The following SUCO variants were observed in gnomAD, a reference collection of about 807,000 sequenced individuals.
SUCO encodes SUN domain-containing ossification factor.
SUCO carries 57 observed loss-of-function variants against 148.1 expected under a neutral mutation model. The observed-to-expected ratio is 0.38, with a 90% CI of 0.31 to 0.48. SUCO has a LOEUF of 0.48. SUCO is among the 20% of genes least tolerant of loss of function. The probability of loss-of-function intolerance (pLI) is 0.96; values close to 1 mark genes in which losing one functional copy is unlikely to be tolerated. For missense variants in SUCO, 1,331 were observed against 1,468.2 expected (o/e 0.91, Z 1.53); for synonymous variants, 470 against 502.7 (o/e 0.93, Z 0.87).
chr1:172,557,417 G>A lies in SUCO; in HGVS notation c.581G>A (p.Ser194Asn), dbSNP rs907342245. ...EQPSFVSPPD[S>N]LVGQHIENVS... Reference sequence around the variant, plus strand: ...CCTTCCTTTGTCAGTCCACCTGACAGGTGGGTAGGAGCAGTTGTTTGTCCT... The same window carrying A: ...CCTTCCTTTGTCAGTCCACCTGACAAGTGGGTAGGAGCAGTTGTTTGTCCT... Residue 194 changes from serine to asparagine, a missense_variant and splice_region_variant, in exon 5 of 24, where the codon AGC becomes AAC. By Grantham distance (46) the Ser-to-Asn change is conservative. This residue lies in a region of SUCO where 992 missense variants were observed against 1,093.5 expected (regional missense o/e 0.91). Transcript: ENST00000263688. 5.0e-6 allele frequency: 8 copies of A among 1,613,928 alleles called. No homozygotes were observed. The highest frequency in any genetic ancestry group is 6.8e-6 in the Non-Finnish European group (8 of 1,179,848).
At position 172,579,252 on chromosome 1, in the gene SUCO, C is replaced by G. The variant is rs1389572718; in HGVS notation, c.1483C>G (p.Leu495Val). The change falls in exon 15 of 24, where the codon CTT (leucine) becomes GTT (valine). Residue 495 changes from leucine to valine, a missense_variant. Physicochemically the swap from Leu to Val is conservative, Grantham distance 32 (BLOSUM62 1). This residue lies in a region of SUCO where 992 missense variants were observed against 1,093.5 expected (regional missense o/e 0.91). Coordinates refer to ENST00000263688, the MANE Select transcript of SUCO (RefSeq NM_014283.5). ...TGEDKSSKNL[L>V]GSATNAILNM... is the part of the protein sequence containing the mutation. ...AGAGGATAAATCCTCAAAAAATCTT[C>G]TTGGTTCTGCTACAAGTGAGTATTT... 2.5e-5 allele frequency: 40 copies of G among 1,597,348 alleles called. No homozygotes were observed. Among genetic ancestry groups the G allele is most frequent in the Non-Finnish European group, 3.3e-5 (39 of 1,166,758 alleles).
chr1:172,586,643 C>T (rs1275037175), intron 17 of SUCO, among the ~76,000 whole-genome samples: 2 of 152,186 alleles, frequency 1.3e-5, no homozygotes, highest in Admixed American at 1.3e-4. Flanking sequence ...ACACTCCCTA[C>T]AAAACTTTGC....
intron 6 of SUCO, 143 bp downstream of exon 6, chr1:172,557,937 T>G (rs947229181): frequency 7.8e-6 from 5 of 644,804 alleles, no homozygotes; most frequent in Non-Finnish European, 1.0e-5. Context: ...TAACACGAAC[T>G]GTGCTCCCTG....
intron 19 of SUCO, among the ~76,000 whole-genome samples, chr1:172,596,629 C>T (rs1007356965): frequency 6.6e-6 from 1 of 152,238 alleles, no homozygotes; most frequent in Non-Finnish European, 1.5e-5. Flanking sequence ...ATGTTGCTGC[C>T]TGATCCTTCC....
At chr1:172,608,686 T>C in intron 22 of SUCO, 61 bp from the exon 23 acceptor site, 1 of 1,112,028 alleles carries the variant, frequency 9.0e-7, no homozygotes, top group Non-Finnish European at 1.4e-6. Flanking sequence ...TGTTTAATTA[T>C]AGCAAATCCA....
At chr1:172,543,500 A>T (rs556606542) in intron 1 of SUCO, among the ~76,000 whole-genome samples, 26 of 152,334 alleles carry the variant, frequency 1.7e-4, no homozygotes, top group African/African-American at 5.5e-4. Flanking sequence ...ATGGTAGGTT[A>T]TAATGGTAGG....
intron 22 of SUCO, among the ~76,000 whole-genome samples, chr1:172,607,761 A>ACC (rs1657955418): frequency 2.0e-5 from 3 of 151,998 alleles, no homozygotes; most frequent in African/African-American, 7.2e-5. Flanking sequence ...ATCATTATTA[A>ACC]AGAAAGTAAA....
chr1:172,585,139 A>G, intron 16 of SUCO, 53 bp downstream of exon 16: 1 of 1,339,360 alleles, frequency 7.5e-7, no homozygotes, highest in Non-Finnish European at 1.0e-6. Context: ...AGGGATCCTT[A>G]TATTTAGGAA....
At chr1:172,552,321 A>C (rs1653361468) in intron 2 of SUCO, among the ~76,000 whole-genome samples, 1 of 152,108 alleles carries the variant, frequency 6.6e-6, no homozygotes, top group South Asian at 2.1e-4. Flanking sequence ...TATTTCCATG[A>C]AAATATCATA....
chr1:172,565,172 G>T (rs1380588119), intron 6 of SUCO, among the ~76,000 whole-genome samples: 2 of 152,162 alleles, frequency 1.3e-5, no homozygotes, highest in Non-Finnish European at 2.9e-5. Flanking sequence ...TGCCAAAGTG[G>T]AGACTTCAGA....
Position 172,610,609 on chromosome 1 carries a change from C to A in SUCO, c.*350C>A, listed in dbSNP as rs1658157445. On this transcript the variant is annotated 3_prime_UTR_variant, in exon 24 of 24. Coordinates refer to ENST00000263688, the MANE Select transcript of SUCO (RefSeq NM_014283.5). ...TTAGCTTTGTTCCTATTTCTTGCAC[C>A]TTCCCATATTTATGTGCCTTTTGTC... The A allele has an allele frequency of 5.8e-6, 1 of 173,818 alleles. No individual in the cohort carries two copies. The highest frequency in any genetic ancestry group is 6.2e-5 in the Admixed American group (1 of 16,138). The allele number at this position is 173,818 out of a possible 1,614,324, so 10.8% of individuals were successfully genotyped here. A position where few individuals can be genotyped will look rare whatever the true frequency, so the allele number is the denominator to read the frequency against.
chr1:172,562,727 T>G (rs1340215718), intron 6 of SUCO, among the ~76,000 whole-genome samples: 2 of 152,226 alleles, frequency 1.3e-5, no homozygotes, highest in Non-Finnish European at 2.9e-5. Context: ...AAAAGTCTCC[T>G]TTATGAACCT....
upstream of SUCO, chr1:172,532,880 C>A: frequency 6.7e-7 from 1 of 1,489,222 alleles, no homozygotes; most frequent in Non-Finnish European, 8.9e-7. Flanking sequence ...TGGGCGGGAC[C>A]TGGGGCGGGC....
chr1:172,595,085 A>G (rs1260059343), intron 19 of SUCO, among the ~76,000 whole-genome samples: 3 of 152,096 alleles, frequency 2.0e-5, no homozygotes, highest in East Asian at 1.9e-4. Context: ...AGTCTGTTTT[A>G]TCAGAGACTA....
chr1:172,534,143 C>T (rs1175992318), intron 1 of SUCO, among the ~76,000 whole-genome samples: 1 of 152,032 alleles, frequency 6.6e-6, no homozygotes, highest in African/African-American at 2.4e-5. Flanking sequence ...CCCTTAGTGA[C>T]GGGAAGGTAA....
chr1:172,575,001 T>C, intron 10 of SUCO: 1 of 519,276 alleles, frequency 1.9e-6, no homozygotes, highest in South Asian at 8.3e-5. Context: ...GTGAGAGGGC[T>C]CATTATTTTG....
At chr1:172,608,047 G>T (rs940641276) in intron 22 of SUCO, 2 of 982,476 alleles carry the variant, frequency 2.0e-6, no homozygotes, top group African/African-American at 3.5e-5. Flanking sequence ...TTTTGTCAGT[G>T]TGGGGGTGGG....
At position 172,601,938 on chromosome 1, in the gene SUCO, C is replaced by T. The variant is rs187519818; in HGVS notation, c.3019-126C>T. 5.6e-3 allele frequency: 5,020 copies of T among 897,676 alleles called. 16 individuals carry two copies. Among genetic ancestry groups the T allele is most frequent in the Non-Finnish European group, 7.2e-3 (4,557 of 634,302 alleles). 55.6% of individuals were successfully genotyped at this position (897,676 alleles called of 1,614,324 possible). The stretch of plus-strand genomic sequence containing the variant: ...GTTTATTTTCAAAGAGCATGCCCTG[C>T]ATTTCTGGTCTTTGAAGCACATTAA... On this transcript the variant is annotated intron_variant, in intron 20 of 23. Transcript: ENST00000263688.
At chr1:172,552,023 G>T (rs1231073638) in intron 2 of SUCO, 2 of 152,532 alleles carry the variant, frequency 1.3e-5, no homozygotes, top group Non-Finnish European at 2.9e-5. Flanking sequence ...ATGTAATTAG[G>T]TGCAGTAAAT....
Sources: allele counts gnomAD v4.1 joint callset (sites outside exome capture counted in the v4.1 genomes callset), GRCh38; gene constraint gnomAD v4.1.1; regional missense constraint gnomAD v4.1.1; transcripts MANE v1.5; gene names NCBI Gene and HGNC (gene_info 2026-07-23, HGNC 2026-07-21).